The following TMEM204 variants were observed in gnomAD, a reference collection of about 807,000 sequenced individuals.
The protein encoded by TMEM204 is claudin-like protein 24.
TMEM204 carries 15 observed loss-of-function variants against 19.4 expected under a neutral mutation model. The observed-to-expected ratio is 0.77, with a 90% CI of 0.52 to 1.19. TMEM204 has a LOEUF of 1.19. TMEM204 is among the 50% of genes most tolerant of loss of function. The pLI is 0.00. For synonymous variants in TMEM204, 161 were observed against 146.0 expected, an observed-to-expected ratio of 1.10 and a Z score of -0.74; for missense variants, 287 against 321.2, an observed-to-expected ratio of 0.89 and a Z score of 0.81.
intron 2 of TMEM204, among the ~76,000 whole-genome samples, chr16:1,542,369 T>G (rs2031732422): frequency 6.6e-6 from 1 of 152,156 alleles, no homozygotes; most frequent in Non-Finnish European, 1.5e-5. Context: ...CTTTCCTGAG[T>G]CTGTGGGGTC....
chr16:1,539,586 C>T (rs1007815631), intron 1 of TMEM204, among the ~76,000 whole-genome samples: 51 of 152,272 alleles, frequency 3.3e-4, no homozygotes, highest in Non-Finnish European at 6.6e-4. Context: ...TCTGTTCCTT[C>T]TTTAGAGAGA....
rs1024256757 is a variant in TMEM204 at position 1,534,160 on chromosome 16, C to T, written c.-116C>T. On this transcript the variant is annotated 5_prime_UTR_variant, in exon 1 of 3. Coordinates refer to ENST00000566264, the MANE Select transcript of TMEM204 (RefSeq NM_024600.6). ...CCATGGGCCTCCGCCCGCGCCGCCC[C>T]GAGGATGAGTGGTGATGTCCTCTAG... The T allele has an allele frequency of 7.4e-5, 101 of 1,373,964 alleles. No homozygotes were observed. The highest frequency in any genetic ancestry group is 9.1e-5 in the Non-Finnish European group (93 of 1,026,350). 85.1% of individuals were successfully genotyped at this position (1,373,964 alleles called of 1,614,324 possible).
chr16:1,555,299 G>C lies in TMEM204; in HGVS notation c.*273G>C. ...CACACGCACTTCAGGGTGGAAGCTG[G>C]AAGCTGAGACACAGGTTAGGTGGCG... On this transcript the variant is annotated 3_prime_UTR_variant, in exon 3 of 3. Coordinates refer to ENST00000566264, the MANE Select transcript of TMEM204 (RefSeq NM_024600.6). The C allele has an allele frequency of 6.6e-6, 3 of 456,416 alleles. No individual in the cohort carries two copies. The highest frequency in any genetic ancestry group is 7.8e-6 in the Non-Finnish European group (2 of 254,924). The allele number at this position is 456,416 out of a possible 1,614,324, so 28.3% of individuals were successfully genotyped here.
rs952168015 is a variant in TMEM204, at chr16:1,554,139, T to C, written c.437-643T>C. 14 of 1,286,900 alleles carry C rather than the reference T, an allele frequency of 1.1e-5. No individual in the cohort carries two copies. In the Admixed American group the frequency reaches 3.2e-4, roughly 30 times the overall value. 79.7% of individuals were successfully genotyped at this position (1,286,900 alleles called of 1,614,324 possible). A position where few individuals can be genotyped will look rare whatever the true frequency, so the allele number is the denominator to read the frequency against. ...CTCGGAAGTGAGGGAAGACACCAGATATAGCCAAGGAGCCCTAGACAAGGC... is the reference window on the plus strand; with the variant it reads ...CTCGGAAGTGAGGGAAGACACCAGACATAGCCAAGGAGCCCTAGACAAGGC... On this transcript the variant is annotated intron_variant, in intron 2 of 2. Coordinates refer to ENST00000566264, the MANE Select transcript of TMEM204 (RefSeq NM_024600.6).
chr16:1,532,930 T>C (rs117977553), upstream of TMEM204: 859 of 152,570 alleles, frequency 5.6e-3, 4 homozygotes, highest in Non-Finnish European at 9.4e-3. Context: ...TTCCCATCAA[T>C]AGCAGAGGTG....
At chr16:1,548,244 C>T (rs2032336768) in intron 2 of TMEM204, among the ~76,000 whole-genome samples, 1 of 152,148 alleles carries the variant, frequency 6.6e-6, no homozygotes, top group Admixed American at 6.5e-5. Context: ...CCAGTTGCAC[C>T]CAGTTTGCTA....
chr16:1,538,292 C>G (rs1462968230), intron 1 of TMEM204, among the ~76,000 whole-genome samples: 2 of 152,168 alleles, frequency 1.3e-5, no homozygotes, highest in Non-Finnish European at 2.9e-5. Context: ...GTGTGTGGCA[C>G]AGGGCTGTGT....
chr16:1,538,848 C>T (rs35521135), intron 1 of TMEM204, among the ~76,000 whole-genome samples: 35,529 of 152,032 alleles, frequency 0.23, 4,381 homozygotes, highest in East Asian at 0.31. Context: ...CTGTGGAGTC[C>T]GTTGGAGCAG....
chr16:1,530,022 G>T (rs1173691362), upstream of TMEM204, among the ~76,000 whole-genome samples: 7 of 152,148 alleles, frequency 4.6e-5, no homozygotes, highest in Non-Finnish European at 7.4e-5. Flanking sequence ...CTGGGTGGTG[G>T]CAGCACTGGG....
At position 1,551,764 on chromosome 16, in the gene TMEM204, C is replaced by T. The variant is rs1049963456; in HGVS notation, c.437-3018C>T. ...CCTATACAAAGGAGGCCACACCACACGTGCGTGGTCCGGCAGATCCGGCAA... is the reference window on the plus strand; with the variant it reads ...CCTATACAAAGGAGGCCACACCACATGTGCGTGGTCCGGCAGATCCGGCAA... On this transcript the variant is annotated intron_variant, in intron 2 of 2. Transcript: ENST00000566264. The surrounding 1 kb of genome is among the most constrained non-coding windows in gnomAD (Gnocchi z 4.0). 2.0e-5 allele frequency among the ~76,000 whole-genome samples: 3 copies of T among 152,202 alleles called. No individual in the cohort carries two copies. The highest frequency in any genetic ancestry group is 1.5e-5 in the Non-Finnish European group (1 of 68,030).
chr16:1,529,917 A>G (rs545710171), upstream of TMEM204, among the ~76,000 whole-genome samples: 54 of 152,164 alleles, frequency 3.5e-4, no homozygotes, highest in African/African-American at 1.2e-3. Context: ...TCTCAAAAGA[A>G]ACACTGTGTC....
chr16:1,548,623 G>C (rs1441727231), intron 2 of TMEM204, among the ~76,000 whole-genome samples: 1 of 152,214 alleles, frequency 6.6e-6, no homozygotes, highest in Non-Finnish European at 1.5e-5. Flanking sequence ...AATGAGGAGA[G>C]AGGGAATCTT....
chr16:1,552,583 G>A (rs918216097), intron 2 of TMEM204, among the ~76,000 whole-genome samples: 4 of 151,898 alleles, frequency 2.6e-5, no homozygotes, highest in Non-Finnish European at 4.4e-5. Flanking sequence ...GTGAGCAGAG[G>A]GCACATTCCG....
rs920287274 is a variant in TMEM204, at chr16:1,555,278, C to T, written c.*252C>T. On this transcript the variant is annotated 3_prime_UTR_variant, in exon 3 of 3. Coordinates refer to ENST00000566264, the MANE Select transcript of TMEM204 (RefSeq NM_024600.6). ...AGCGCAACGCGGCTCCACGACCACA[C>T]GCACTTCAGGGTGGAAGCTGGAAGC... is the stretch of plus-strand genomic sequence containing the variant. The T allele has an allele frequency of 8.0e-5, 40 of 497,122 alleles. No homozygotes were observed. The highest frequency in any genetic ancestry group is 1.7e-4 in the South Asian group (7 of 40,822). The allele number at this position is 497,122 out of a possible 1,614,324, so 30.8% of individuals were successfully genotyped here. A position where few individuals can be genotyped will look rare whatever the true frequency, so the allele number is the denominator to read the frequency against.
At chr16:1,540,855 G>A (rs1015789253) in intron 1 of TMEM204, 3 of 985,318 alleles carry the variant, frequency 3.0e-6, no homozygotes, top group Non-Finnish European at 3.6e-6. Flanking sequence ...GCGATGACAG[G>A]CTAGGGACTC....
Position 1,541,944 on chromosome 16 carries a change from T to G in TMEM204, c.304T>G (p.Cys102Gly). Residue 102 changes from cysteine to glycine, a missense_variant, in exon 2 of 3, where the codon TGC becomes GGC. Transcript: ENST00000566264. ...VKLQFDMMRA[C>G]NLVATAALTA... ...AGTGCAGTTCGACATGATGCGCGCC[T>G]GCAACCTGGTGGCCACGGCCGCGCT... 1 of 1,607,872 alleles carries G rather than the reference T, an allele frequency of 6.2e-7. No homozygotes were observed. The highest frequency in any genetic ancestry group is 8.5e-7 in the Non-Finnish European group (1 of 1,178,020).
rs1452650629 is a variant in TMEM204 at position 1,533,802 on chromosome 16, G to C, written c.-474G>C. On this transcript the variant is annotated 5_prime_UTR_variant, in exon 1 of 3. Coordinates refer to ENST00000566264, the MANE Select transcript of TMEM204 (RefSeq NM_024600.6). This position sits in a 1 kb window ranked among gnomAD's most constrained non-coding sequence, Gnocchi z 4.7. ...GGGGCCCAGGCAGCACAGAGGAGCTGTGAACCCGCTCCACACCGGCCACCC... is the reference window on the plus strand; with the variant it reads ...GGGGCCCAGGCAGCACAGAGGAGCTCTGAACCCGCTCCACACCGGCCACCC... The C allele has an allele frequency of 4.7e-6, 1 of 210,764 alleles. No homozygotes were observed. Among genetic ancestry groups the C allele is most frequent in the Non-Finnish European group, 9.4e-6 (1 of 106,290 alleles). 13.1% of individuals were successfully genotyped at this position (210,764 alleles called of 1,614,324 possible).
chr16:1,541,283 G>A (rs117189215), intron 1 of TMEM204: 44,804 of 985,220 alleles, frequency 0.045, 1,110 homozygotes, highest in Non-Finnish European at 0.05. Flanking sequence ...AGGAGGTGAG[G>A]GGGGCAGGTG....
At chr16:1,540,508 CCT>C (rs2031530985) in intron 1 of TMEM204, among the ~76,000 whole-genome samples, 1 of 152,202 alleles carries the variant, frequency 6.6e-6, no homozygotes, top group Non-Finnish European at 1.5e-5. Flanking sequence ...CTCCCCATCC[CCT>C]CTCGGCCTCC....
Sources: allele counts gnomAD v4.1 joint callset (sites outside exome capture counted in the v4.1 genomes callset), GRCh38; gene constraint gnomAD v4.1.1; non-coding constraint Gnocchi (gnomAD v3.1); transcripts MANE v1.5; gene names NCBI Gene and HGNC (gene_info 2026-07-23, HGNC 2026-07-21).